The following NUCB2 variants were observed in gnomAD, a reference collection of about 807,000 sequenced individuals.
The protein encoded by NUCB2 is nucleobindin 2.
NUCB2 carries 48 observed loss-of-function variants against 57.9 expected under a neutral mutation model. The observed-to-expected ratio is 0.83, with a 90% CI of 0.66 to 1.05. NUCB2 has a LOEUF of 1.05. Ranked by LOEUF, NUCB2 falls within the 50% of genes least tolerant of loss-of-function variation. NUCB2 has a pLI of 0.00. For synonymous variants in NUCB2, 139 were observed against 152.1 expected, an observed-to-expected ratio of 0.91 and a Z score of 0.64; for missense variants, 442 against 476.2, an observed-to-expected ratio of 0.93 and a Z score of 0.67.
intron 11 of NUCB2, among the ~76,000 whole-genome samples, chr11:17,318,573 ATATTTTTAAGGC>A (rs1949605091): frequency 6.6e-6 from 1 of 152,212 alleles, no homozygotes; most frequent in East Asian, 1.9e-4. Flanking sequence ...GACCCAGGGA[ATATTTTTAAGGC>A]TATTTTTAAG....
intron 7 of NUCB2, 23 bp from the exon 8 acceptor site, chr11:17,311,155 TATTTTGTTTTGAGCA>T: frequency 5.9e-6 from 9 of 1,518,414 alleles, no homozygotes; most frequent in Non-Finnish European, 8.1e-6. Context: ...AGATAGATTA[TATTTTGTTTTGAGCA>T]ATTTTTTAAA....
intron 5 of NUCB2, among the ~76,000 whole-genome samples, chr11:17,307,204 C>G (rs2138802886): frequency 6.6e-6 from 1 of 152,120 alleles, no homozygotes; most frequent in Admixed American, 6.6e-5. Flanking sequence ...GTGCCTGGCC[C>G]ATTCACGTGG....
At chr11:17,343,854 C>T (rs1952495389) in intron 2 of NUCB2, among the ~76,000 whole-genome samples, 1 of 152,148 alleles carries the variant, frequency 6.6e-6, no homozygotes, top group Admixed American at 6.5e-5. Flanking sequence ...TTTTTTCTAA[C>T]TAAATCTCAG....
chr11:17,326,016 T>TC (rs1310352012), intron 11 of NUCB2, among the ~76,000 whole-genome samples: 2 of 152,022 alleles, frequency 1.3e-5, no homozygotes, highest in Non-Finnish European at 2.9e-5. Context: ...TTTTTTTTTT[T>TC]CGAGACAGTG....
chr11:17,321,484 T>C (rs1193595962), intron 11 of NUCB2, among the ~76,000 whole-genome samples: 2 of 152,224 alleles, frequency 1.3e-5, no homozygotes, highest in Non-Finnish European at 2.9e-5. Context: ...TACCACATTT[T>C]CTTCATCCAT....
chr11:17,320,520 G>A (rs1949883167), intron 11 of NUCB2, among the ~76,000 whole-genome samples: 1 of 152,080 alleles, frequency 6.6e-6, no homozygotes, highest in African/African-American at 2.4e-5. Context: ...AGCCGGGAGT[G>A]GTGGTGCACT....
In NUCB2 at chr11:17,330,125, A is replaced by G; in HGVS notation, c.1003-2A>G. ...ATTCTTTCCTCATTTTTTTTCTTTT[A>G]GACATTAGATCAGCAACAGTTCTTC... On this transcript the variant is annotated splice_acceptor_variant, in intron 11 of 13. Coordinates refer to ENST00000529010, the MANE Select transcript of NUCB2 (RefSeq NM_005013.4). LOFTEE classifies it high-confidence loss of function. The surrounding 1 kb of genome is among the most constrained non-coding windows in gnomAD (Gnocchi z 4.3). 1.4e-6 allele frequency: 2 copies of G among 1,426,892 alleles called. No individual in the cohort carries two copies. The highest frequency in any genetic ancestry group is 1.9e-6 in the Non-Finnish European group (2 of 1,042,280). The allele number at this position is 1,426,892 out of a possible 1,614,324, so 88.4% of individuals were successfully genotyped here.
chr11:17,334,469 TAA>T (rs1951646931), downstream of NUCB2: 1 of 152,196 alleles, frequency 6.6e-6, no homozygotes, highest in Non-Finnish European at 1.5e-5. Flanking sequence ...TGGCTCTGAG[TAA>T]AAGTCTCAAG....
At chr11:17,346,329 C>T (rs1288580547) in intron 2 of NUCB2, among the ~76,000 whole-genome samples, 1 of 152,172 alleles carries the variant, frequency 6.6e-6, no homozygotes, top group Non-Finnish European at 1.5e-5. Context: ...ACCTGGGTCC[C>T]ATCTCCAGGT....
In NUCB2 at chr11:17,327,137, T is replaced by G. The variant is rs758884527; in HGVS notation, c.1003-2990T>G. ...GTGCAGTGGCGTGATCTTGGCTCAC[T>G]GCAACTTCTGCTTCTCAGGTTCAAG... On this transcript the variant is annotated intron_variant, in intron 11 of 13. Coordinates refer to ENST00000529010, the MANE Select transcript of NUCB2 (RefSeq NM_005013.4). Among the ~76,000 whole-genome samples, 75 of 152,174 alleles carry G rather than the reference T, an allele frequency of 4.9e-4. 1 individual carries two copies. The highest frequency in any genetic ancestry group is 1.5e-4 in the Non-Finnish European group (10 of 68,026).
chr11:17,299,507 G>A (rs1946351760), intron 4 of NUCB2, among the ~76,000 whole-genome samples: 1 of 152,058 alleles, frequency 6.6e-6, no homozygotes, highest in African/African-American at 2.4e-5. Flanking sequence ...ATTTTGAAAA[G>A]CTTTTATATA....
intron 2 of NUCB2, among the ~76,000 whole-genome samples, chr11:17,287,672 CAAAAAA>C (rs1158145912): frequency 1.5e-5 from 1 of 65,388 alleles, no homozygotes. Flanking sequence ...AACTCCACCT[CAAAAAA>C]AAAAAAAAAA....
chr11:17,312,407 T>A (rs915876042), intron 10 of NUCB2, among the ~76,000 whole-genome samples: 77 of 86,962 alleles, frequency 8.9e-4, no homozygotes, highest in African/African-American at 1.8e-3. Context: ...TACCTAATAT[T>A]TTTTTTTTTT....
chr11:17,320,093 G>A (rs1270803621), intron 11 of NUCB2, among the ~76,000 whole-genome samples: 2 of 152,082 alleles, frequency 1.3e-5, no homozygotes, highest in Non-Finnish European at 2.9e-5. Flanking sequence ...TGGCTGCATA[G>A]TATTCCATGG....
chr11:17,288,642 C>T (rs1307024515), intron 2 of NUCB2, among the ~76,000 whole-genome samples: 1 of 146,878 alleles, frequency 6.8e-6, no homozygotes, highest in Non-Finnish European at 1.5e-5. Flanking sequence ...GCAACCTCTG[C>T]CTCCTAGGTT....
downstream of NUCB2, among the ~76,000 whole-genome samples, chr11:17,336,753 CAAAAAAAAAAAAA>C (rs71047542): frequency 4.2e-5 from 2 of 47,416 alleles, no homozygotes; most frequent in African/African-American, 9.3e-5. Flanking sequence ...GACTCCGTCT[CAAAAAAAAAAAAA>C]AAAAAAAAAA....
chr11:17,294,619 T>C (rs1481005115), intron 2 of NUCB2, among the ~76,000 whole-genome samples: 1 of 144,372 alleles, frequency 6.9e-6, no homozygotes, highest in Non-Finnish European at 1.5e-5. Context: ...AGGGTTGTGG[T>C]GAAAATGGGG....
chr11:17,295,302 C>A, intron 2 of NUCB2, 22 bp from the exon 3 acceptor site: 1 of 1,590,388 alleles, frequency 6.3e-7, no homozygotes, highest in Non-Finnish European at 8.6e-7. Flanking sequence ...ATGACTTTAC[C>A]ATAATTACTC....
At chr11:17,286,703 G>A (rs1222225536) in intron 2 of NUCB2, 2 of 152,208 alleles carry the variant, frequency 1.3e-5, no homozygotes, top group Non-Finnish European at 1.5e-5. Flanking sequence ...TGACCTGATA[G>A]TGGAAGAAAA....
Sources: allele counts gnomAD v4.1 joint callset (sites outside exome capture counted in the v4.1 genomes callset), GRCh38; gene constraint gnomAD v4.1.1; non-coding constraint Gnocchi (gnomAD v3.1); transcripts MANE v1.5; gene names NCBI Gene and HGNC (gene_info 2026-07-23, HGNC 2026-07-21).